The following OXCT1 variants were observed in gnomAD, a reference collection of about 807,000 sequenced individuals.
OXCT1 encodes 3-oxoacid CoA-transferase 1.
In OXCT1, 27 loss-of-function variants were observed where a neutral mutation model predicts 69.6. The ratio of observed to expected loss-of-function variants is 0.39; its 90% CI spans 0.29 to 0.54. The LOEUF (loss-of-function observed/expected upper bound fraction) is 0.54. Ranked by LOEUF, OXCT1 falls within the 20% of genes least tolerant of loss-of-function variation. The pLI is 0.72. For missense variants in OXCT1, 437 were observed against 650.2 expected, an observed-to-expected ratio of 0.67 and a Z score of 3.57; for synonymous variants, 202 against 217.8, an observed-to-expected ratio of 0.93 and a Z score of 0.64.
intron 16 of OXCT1, among the ~76,000 whole-genome samples, chr5:41,733,707 C>T (rs867989586): frequency 6.6e-6 from 1 of 152,276 alleles, no homozygotes; most frequent in Middle Eastern, 3.4e-3. Flanking sequence ...TTTACATTCT[C>T]AATGTGAAAA....
At chr5:41,756,694 A>G (rs1744092411) in intron 14 of OXCT1, among the ~76,000 whole-genome samples, 2 of 152,106 alleles carry the variant, frequency 1.3e-5, no homozygotes, top group African/African-American at 4.8e-5. Context: ...TGGAGTTTGC[A>G]TTCTGCTGAA....
At chr5:41,806,427 T>A (rs1746683458) in intron 8 of OXCT1, among the ~76,000 whole-genome samples, 1 of 152,078 alleles carries the variant, frequency 6.6e-6, no homozygotes, top group Non-Finnish European at 1.5e-5. Flanking sequence ...GCTGATGATT[T>A]AGATATGTGT....
chr5:41,838,747 C>T (rs899752826), intron 7 of OXCT1, among the ~76,000 whole-genome samples: 1 of 151,896 alleles, frequency 6.6e-6, no homozygotes, highest in African/African-American at 2.4e-5. Flanking sequence ...GACCTCAGCT[C>T]CTGGGTAGCT....
chr5:41,738,207 CATT>C (rs1243324809), intron 16 of OXCT1, among the ~76,000 whole-genome samples: 19 of 152,170 alleles, frequency 1.2e-4, no homozygotes, highest in African/African-American at 4.6e-4. Flanking sequence ...ATTTTCTTCT[CATT>C]ATAAATATAT....
intron 13 of OXCT1, among the ~76,000 whole-genome samples, chr5:41,772,372 A>G (rs1171362491): frequency 2.0e-5 from 3 of 152,170 alleles, no homozygotes; most frequent in East Asian, 1.9e-4. Context: ...CAAAAAAAAA[A>G]AGAGAGAGAG....
chr5:41,820,375 A>G (rs949356869), intron 7 of OXCT1, among the ~76,000 whole-genome samples: 37 of 152,308 alleles, frequency 2.4e-4, no homozygotes, highest in African/African-American at 8.4e-4. Context: ...CAAAACCTTA[A>G]AATGTTGATA....
At chr5:41,804,159 C>G (rs1428346040) in intron 9 of OXCT1, among the ~76,000 whole-genome samples, 1 of 152,104 alleles carries the variant, frequency 6.6e-6, no homozygotes, top group East Asian at 1.9e-4. Context: ...ATTATAGCTA[C>G]TGGGTTTACC....
chr5:41,789,923 A>G (rs1246936033), intron 13 of OXCT1, among the ~76,000 whole-genome samples: 1 of 152,250 alleles, frequency 6.6e-6, no homozygotes, highest in Non-Finnish European at 1.5e-5. Context: ...TAACTTATTT[A>G]AAACAGGTAG....
intron 14 of OXCT1, among the ~76,000 whole-genome samples, chr5:41,760,296 T>C (rs1389212710): frequency 2.0e-5 from 3 of 152,124 alleles, no homozygotes; most frequent in Admixed American, 6.6e-5. Flanking sequence ...CATAAGTACA[T>C]TGTTTTATTG....
intron 14 of OXCT1, among the ~76,000 whole-genome samples, chr5:41,754,969 T>C (rs985092543): frequency 6.6e-6 from 1 of 152,086 alleles, no homozygotes; most frequent in Non-Finnish European, 1.5e-5. Context: ...ACATTTCTTG[T>C]ACACTGTATC....
intron 6 of OXCT1, 27 bp downstream of exon 6, chr5:41,842,648 C>A: frequency 6.8e-7 from 1 of 1,470,136 alleles, no homozygotes; most frequent in African/African-American, 1.4e-5. Flanking sequence ...CTGATATGCA[C>A]GAGTGTTTTT....
At chr5:41,822,248 G>A (rs1366288122) in intron 7 of OXCT1, among the ~76,000 whole-genome samples, 2 of 152,112 alleles carry the variant, frequency 1.3e-5, no homozygotes, top group Non-Finnish European at 2.9e-5. Context: ...GGGAGTGACA[G>A]GAGGCAGCCA....
At position 41,793,874 on chromosome 5, in the gene OXCT1, T is replaced by G. The variant is rs1746048052; in HGVS notation, c.1248+129A>C. ...CAGTGCTTACTTAATTAAAATTTGA[T>G]TCTAGTAAGAAATATATATTAAAAT... is the stretch of plus-strand genomic sequence containing the variant. On this transcript the variant is annotated intron_variant, in intron 13 of 16. Coordinates refer to ENST00000196371, the MANE Select transcript of OXCT1 (RefSeq NM_000436.4). 4 of 675,404 alleles carry G rather than the reference T, an allele frequency of 5.9e-6. No individual in the cohort carries two copies. The South Asian group carries it at 7.3e-5, about 12-fold the overall frequency. 41.8% of individuals were successfully genotyped at this position (675,404 alleles called of 1,614,324 possible).
At chr5:41,865,115 G>A (rs886966159) in intron 1 of OXCT1, among the ~76,000 whole-genome samples, 2 of 152,120 alleles carry the variant, frequency 1.3e-5, no homozygotes, top group Non-Finnish European at 2.9e-5. Context: ...TACACTTGAA[G>A]CTATTTTTAA....
intron 14 of OXCT1, among the ~76,000 whole-genome samples, chr5:41,758,448 C>A (rs1309438533): frequency 8.6e-5 from 13 of 152,016 alleles, no homozygotes; most frequent in Admixed American, 8.5e-4. Flanking sequence ...ATTCAGATGG[C>A]ACCTTAGAAG....
At chr5:41,786,646 A>T (rs927307078) in intron 13 of OXCT1, among the ~76,000 whole-genome samples, 2 of 152,242 alleles carry the variant, frequency 1.3e-5, no homozygotes, top group African/African-American at 4.8e-5. Context: ...AATGTCATGC[A>T]GCCTGAGTAT....
At chr5:41,855,273 C>A (rs571561310) in intron 3 of OXCT1, among the ~76,000 whole-genome samples, 1 of 152,122 alleles carries the variant, frequency 6.6e-6, no homozygotes, top group Non-Finnish European at 1.5e-5. Flanking sequence ...GAGAAGAGAA[C>A]AGCGACTGGA....
chr5:41,757,969 G>T (rs568478862), intron 14 of OXCT1, among the ~76,000 whole-genome samples: 34 of 152,172 alleles, frequency 2.2e-4, no homozygotes, highest in Non-Finnish European at 4.3e-4. Flanking sequence ...TTTAGTTTTA[G>T]ACTAGTCAAT....
intron 7 of OXCT1, among the ~76,000 whole-genome samples, chr5:41,809,165 A>G (rs1746840614): frequency 1.3e-5 from 2 of 152,200 alleles, no homozygotes. Context: ...GGGATAGACA[A>G]TTATTTATAT....
Sources: allele counts gnomAD v4.1 joint callset (sites outside exome capture counted in the v4.1 genomes callset), GRCh38; gene constraint gnomAD v4.1.1; transcripts MANE v1.5; gene names NCBI Gene and HGNC (gene_info 2026-07-23, HGNC 2026-07-21).